The following GLIS1 variants were observed in gnomAD, a reference collection of about 807,000 sequenced individuals.
GLIS1 encodes zinc finger protein GLIS1.
In GLIS1, 24 loss-of-function variants were observed where a neutral mutation model predicts 63.8. The observed-to-expected ratio is 0.38, with a 90% CI of 0.27 to 0.53. The LOEUF is 0.53. GLIS1 is among the 20% of genes least tolerant of loss of function. GLIS1 has a pLI of 0.85. For missense variants in GLIS1, 1,036 were observed against 1,074.1 expected, an observed-to-expected ratio of 0.96 and a Z score of 0.50; for synonymous variants, 450 against 482.5, an observed-to-expected ratio of 0.93 and a Z score of 0.88.
intron 7 of GLIS1, among the ~76,000 whole-genome samples, chr1:53,515,002 C>T (rs1470253457): frequency 1.3e-5 from 2 of 151,986 alleles, no homozygotes; most frequent in African/African-American, 4.8e-5. Flanking sequence ...GTGTCCAGGG[C>T]TGGGGCTCAC....
At chr1:53,691,688 C>T (rs796623217) in intron 2 of GLIS1, among the ~76,000 whole-genome samples, 28 of 152,162 alleles carry the variant, frequency 1.8e-4, no homozygotes, top group African/African-American at 3.9e-4. Context: ...ATACACTGGC[C>T]GAGCTTCGGA....
At chr1:53,698,400 G>A (rs1358103729) in intron 2 of GLIS1, among the ~76,000 whole-genome samples, 1 of 152,206 alleles carries the variant, frequency 6.6e-6, no homozygotes, top group African/African-American at 2.4e-5. Context: ...CTCCCCAGAA[G>A]GCAGCTTTTG....
chr1:53,638,317 T>C (rs1462647004), intron 2 of GLIS1, among the ~76,000 whole-genome samples: 1 of 152,134 alleles, frequency 6.6e-6, no homozygotes, highest in African/African-American at 2.4e-5. Flanking sequence ...ACGTGGTCCG[T>C]TCCCATCACA....
intron 8 of GLIS1, among the ~76,000 whole-genome samples, chr1:53,513,554 C>A (rs757972304): frequency 6.6e-6 from 1 of 152,164 alleles, no homozygotes; most frequent in Admixed American, 6.5e-5. Flanking sequence ...CTCCAGGAAG[C>A]CTTCCCTGAC....
At chr1:53,557,551 C>T (rs1644846558) in intron 4 of GLIS1, among the ~76,000 whole-genome samples, 1 of 152,168 alleles carries the variant, frequency 6.6e-6, no homozygotes, top group Admixed American at 6.5e-5. Flanking sequence ...AGCAGGTACC[C>T]AGATGCAGAG....
At chr1:53,662,369 T>C (rs2100365342) in intron 2 of GLIS1, among the ~76,000 whole-genome samples, 1 of 152,328 alleles carries the variant, frequency 6.6e-6, no homozygotes, top group Middle Eastern at 3.4e-3. Context: ...ATTGAAACCA[T>C]GTGTTCCCAA....
intron 2 of GLIS1, among the ~76,000 whole-genome samples, chr1:53,724,742 ACTCCTGGCTTCAAGCAATC>A (rs963522786): frequency 1.6e-4 from 24 of 151,750 alleles, no homozygotes; most frequent in Non-Finnish European, 2.9e-4. Flanking sequence ...CTGGTCTTGA[ACTCCTGGCTTCAAGCAATC>A]CTCCTGGCTT....
At chr1:53,644,479 C>A (rs775002317) in intron 2 of GLIS1, among the ~76,000 whole-genome samples, 5 of 152,174 alleles carry the variant, frequency 3.3e-5, no homozygotes, top group Non-Finnish European at 5.9e-5. Context: ...AGCTTCCGTA[C>A]AGAAGAGGAG....
chr1:53,720,997 CA>C (rs200952109), intron 2 of GLIS1, among the ~76,000 whole-genome samples: 44 of 132,174 alleles, frequency 3.3e-4, no homozygotes, highest in Admixed American at 3.8e-4. Flanking sequence ...GACCCCATCT[CA>C]AAAAAAAAAA....
intron 2 of GLIS1, among the ~76,000 whole-genome samples, chr1:53,683,324 G>C (rs945652449): frequency 2.3e-5 from 3 of 131,178 alleles, no homozygotes; most frequent in African/African-American, 8.7e-5. Flanking sequence ...TATAACCGCA[G>C]GCAGGCAGTC....
intron 2 of GLIS1, among the ~76,000 whole-genome samples, chr1:53,654,120 C>T (rs1257620605): frequency 1.3e-5 from 2 of 152,244 alleles, no homozygotes; most frequent in Admixed American, 6.5e-5. Flanking sequence ...ATCACCTGCA[C>T]AGTTGAGCCT....
intron 4 of GLIS1, among the ~76,000 whole-genome samples, chr1:53,577,609 G>C (rs1213711441): frequency 1.3e-5 from 2 of 152,224 alleles, no homozygotes; most frequent in African/African-American, 2.4e-5. Context: ...CTGGCCAGTG[G>C]GTTGCCCTGC....
intron 2 of GLIS1, among the ~76,000 whole-genome samples, chr1:53,635,071 T>A (rs77717585): frequency 6.6e-5 from 10 of 152,154 alleles, no homozygotes; most frequent in African/African-American, 1.7e-4. Flanking sequence ...GTTTTTTTTT[T>A]AATTCTTTTT....
rs58223371 is a variant in GLIS1 at position 53,553,957 on chromosome 1, G to A, written c.1321-24005C>T. On this transcript the variant is annotated intron_variant, in intron 4 of 10. Transcript: ENST00000628545. ...CGGGAGGATTTGTCTGGAGGTTCTG[G>A]GGGACAGGGCTCCCTAAGATGGAGC... 4.6e-5 allele frequency among the ~76,000 whole-genome samples: 7 copies of A among 152,212 alleles called. No homozygotes were observed. The East Asian group carries it at 1.2e-3, about 25-fold the overall frequency.
intron 2 of GLIS1, among the ~76,000 whole-genome samples, chr1:53,691,163 C>T (rs1276026397): frequency 6.6e-6 from 1 of 152,196 alleles, no homozygotes; most frequent in Non-Finnish European, 1.5e-5. Flanking sequence ...CAAGACCAGC[C>T]TGGGCAACCC....
At chr1:53,573,002 G>T (rs1444854143) in intron 4 of GLIS1, among the ~76,000 whole-genome samples, 1 of 152,166 alleles carries the variant, frequency 6.6e-6, no homozygotes, top group Non-Finnish European at 1.5e-5. Flanking sequence ...CACACCAAAG[G>T]CTCAGTCACT....
intron 2 of GLIS1, among the ~76,000 whole-genome samples, chr1:53,734,709 G>T (rs545102898): frequency 1.7e-3 from 253 of 152,342 alleles, no homozygotes; most frequent in Admixed American, 5.7e-3. Flanking sequence ...GTGGGAACAC[G>T]CTCTGAACAC....
intron 2 of GLIS1, among the ~76,000 whole-genome samples, chr1:53,601,752 G>A (rs1393414705): frequency 6.6e-6 from 1 of 152,118 alleles, no homozygotes; most frequent in Non-Finnish European, 1.5e-5. Context: ...CGTCTTAATC[G>A]CTATGTAATA....
intron 2 of GLIS1, among the ~76,000 whole-genome samples, chr1:53,716,271 G>C (rs1234432262): frequency 6.6e-6 from 1 of 152,182 alleles, no homozygotes; most frequent in Non-Finnish European, 1.5e-5. Context: ...GGGCCCAACA[G>C]TGAGAACAAC....
Sources: gnomAD v4.1 joint callset for allele counts (sites outside exome capture counted in the v4.1 genomes callset) on GRCh38, gnomAD v4.1.1 for gene constraint, MANE v1.5 for transcripts, NCBI Gene and HGNC (gene_info 2026-07-23, HGNC 2026-07-21) for gene names.